RNGTT: variants seen among roughly 807,000 people sequenced by gnomAD.
RNGTT encodes mRNA-capping enzyme.
RNGTT carries 33 observed loss-of-function variants against 79.3 expected under a neutral mutation model. That is an observed-to-expected ratio of 0.42 (90% CI 0.32 to 0.56). RNGTT has a LOEUF of 0.56. RNGTT is among the 20% of genes least tolerant of loss of function. RNGTT has a pLI of 0.17. For synonymous variants in RNGTT, 222 were observed against 235.9 expected (o/e 0.94, Z 0.54); for missense variants, 497 against 739.1 (o/e 0.67, Z 3.80).
intron 14 of RNGTT, among the ~76,000 whole-genome samples, chr6:88,637,022 A>G (rs192450125): frequency 5.3e-5 from 8 of 152,220 alleles, no homozygotes; most frequent in Admixed American, 5.2e-4. Flanking sequence ...TTTTTAAGCA[A>G]TGTAACCTGA....
At chr6:88,696,373 G>A (rs1373060880) in intron 13 of RNGTT, among the ~76,000 whole-genome samples, 1 of 152,040 alleles carries the variant, frequency 6.6e-6, no homozygotes, top group Non-Finnish European at 1.5e-5. Flanking sequence ...GTAAATAGTT[G>A]AAAAGTGAAT....
At chr6:88,924,172 C>A (rs16881113) in intron 4 of RNGTT, among the ~76,000 whole-genome samples, 15,887 of 152,268 alleles carry the variant, frequency 0.1, 981 homozygotes, top group African/African-American at 0.16. Flanking sequence ...CAACCCAGAA[C>A]TGAACTGACA....
At chr6:88,699,578 T>C (rs930759521) in intron 13 of RNGTT, among the ~76,000 whole-genome samples, 1 of 152,038 alleles carries the variant, frequency 6.6e-6, no homozygotes, top group Admixed American at 6.6e-5. Context: ...AGTAAAAGGA[T>C]CACTTGAGCC....
chr6:88,709,060 A>G (rs1196741785), intron 13 of RNGTT, among the ~76,000 whole-genome samples: 1 of 152,210 alleles, frequency 6.6e-6, no homozygotes, highest in Non-Finnish European at 1.5e-5. Flanking sequence ...CTGTAATCCC[A>G]GCACTTTGGG....
intron 14 of RNGTT, among the ~76,000 whole-genome samples, chr6:88,630,678 T>C (rs1339482202): frequency 6.6e-6 from 1 of 151,626 alleles, no homozygotes; most frequent in Non-Finnish European, 1.5e-5. Context: ...GTTCAGCAAG[T>C]CGGTGGGGAG....
intron 4 of RNGTT, among the ~76,000 whole-genome samples, chr6:88,922,117 G>A (rs904448139): frequency 1.2e-4 from 18 of 151,806 alleles, no homozygotes; most frequent in Non-Finnish European, 7.4e-5. Flanking sequence ...TGTTGTCCAG[G>A]CTGGACTTCA....
At chr6:88,760,926 T>C (rs1012756604) in intron 13 of RNGTT, among the ~76,000 whole-genome samples, 4 of 150,560 alleles carry the variant, frequency 2.7e-5, no homozygotes, top group African/African-American at 4.9e-5. Context: ...ACAGGCTGGA[T>C]TCAAACTCCT....
At chr6:88,791,722 G>A (rs1294848343) in intron 12 of RNGTT, among the ~76,000 whole-genome samples, 1 of 151,838 alleles carries the variant, frequency 6.6e-6, no homozygotes, top group East Asian at 2.0e-4. Flanking sequence ...TGTATTTTTA[G>A]TAGAGACAGG....
intron 14 of RNGTT, among the ~76,000 whole-genome samples, chr6:88,661,431 C>T (rs991163347): frequency 7.2e-5 from 11 of 151,794 alleles, no homozygotes; most frequent in African/African-American, 2.4e-4. Flanking sequence ...GTGAGATTAA[C>T]CAAAAAAGAA....
rs960530411 is a variant in RNGTT at position 88,612,173 on chromosome 6, T to C, written c.*546A>G. 2 of 152,698 alleles carry C rather than the reference T, an allele frequency of 1.3e-5. No homozygotes were observed. Among genetic ancestry groups the C allele is most frequent in the Non-Finnish European group, 2.9e-5 (2 of 68,058 alleles). The allele number at this position is 152,698 out of a possible 1,614,324, so 9.5% of individuals were successfully genotyped here. A position where few individuals can be genotyped will look rare whatever the true frequency, so the allele number is the denominator to read the frequency against. On this transcript the variant is annotated 3_prime_UTR_variant, in exon 16 of 16. Transcript: ENST00000369485. ...TTAAAATGATATAAACCAGACCAAG[T>C]TGTTTAATATAGTACAACTTAACAA...
intron 13 of RNGTT, among the ~76,000 whole-genome samples, chr6:88,725,140 G>A (rs1029499006): frequency 6.6e-6 from 1 of 152,208 alleles, no homozygotes; most frequent in African/African-American, 2.4e-5. Context: ...GCTGGCCGGG[G>A]ATTACATTCC....
chr6:88,657,618 C>T lies in RNGTT; in HGVS notation c.1506+20735G>A, dbSNP rs193102414. Among the ~76,000 whole-genome samples the T allele has an allele frequency of 1.9e-3, 288 of 152,176 alleles. 4 individuals carry two copies. The highest frequency in any genetic ancestry group is 6.8e-3 in the African/African-American group (282 of 41,534). Reference sequence around the variant, plus strand: ...TGCAGGCAGGTGGGAAGGGGTGAGGCCTGAGAGCCCTGCTTGCTTTCTCAG... The same window carrying T: ...TGCAGGCAGGTGGGAAGGGGTGAGGTCTGAGAGCCCTGCTTGCTTTCTCAG... On this transcript the variant is annotated intron_variant, in intron 14 of 15. Transcript: ENST00000369485.
rs867663466 is a variant in RNGTT at position 88,963,226 on chromosome 6, A to G, written c.64+120T>C. On this transcript the variant is annotated intron_variant, in intron 1 of 15. Coordinates refer to ENST00000369485, the MANE Select transcript of RNGTT (RefSeq NM_003800.5). ...TCCACGAAGCGTAATCCGACGGAGC[A>G]TATCCCGCTCCTGAAATACCACTAA... The G allele has an allele frequency of 1.4e-5, 14 of 989,908 alleles. No individual in the cohort carries two copies. In the African/African-American group the frequency reaches 2.0e-4, roughly 14 times the overall value. The allele number at this position is 989,908 out of a possible 1,614,324, so 61.3% of individuals were successfully genotyped here.
Position 88,686,821 on chromosome 6 carries a change from C to T in RNGTT, c.1440-8402G>A, listed in dbSNP as rs563472646. Among the ~76,000 whole-genome samples, 3 of 152,108 alleles carry T rather than the reference C, an allele frequency of 2.0e-5. No individual in the cohort carries two copies. In the East Asian group the frequency reaches 5.8e-4, roughly 29 times the overall value. On this transcript the variant is annotated intron_variant, in intron 13 of 15. Coordinates refer to ENST00000369485, the MANE Select transcript of RNGTT (RefSeq NM_003800.5). ...GATAGACTAAGATCCAAACTTCGCA[C>T]AAGTCACAAGAATAAACTCCAAATG...
intron 11 of RNGTT, among the ~76,000 whole-genome samples, chr6:88,830,581 C>A (rs1025723599): frequency 6.7e-6 from 1 of 150,238 alleles, no homozygotes. Flanking sequence ...AAGACCAGAG[C>A]AGAACTGAAG....
intron 11 of RNGTT, among the ~76,000 whole-genome samples, chr6:88,821,906 T>C (rs1780508534): frequency 6.7e-6 from 1 of 149,174 alleles, no homozygotes; most frequent in East Asian, 1.9e-4. Context: ...AGCAAATTCC[T>C]AGAAATCATA....
chr6:88,865,580 G>A (rs1030052414), intron 8 of RNGTT, among the ~76,000 whole-genome samples: 2 of 152,048 alleles, frequency 1.3e-5, no homozygotes, highest in African/African-American at 4.8e-5. Flanking sequence ...TAGTAAAATA[G>A]TTCCTTAATT....
At position 88,666,573 on chromosome 6, in the gene RNGTT, A is replaced by AACT. The variant is rs1446420943; in HGVS notation, c.1506+11779_1506+11780insAGT. Among the ~76,000 whole-genome samples, 3 of 152,336 alleles carry AACT rather than the reference A, an allele frequency of 2.0e-5. No homozygotes were observed. The East Asian group carries it at 5.8e-4, about 29-fold the overall frequency. ...CATATAACCACTGAAGTTTGTAACA[A>AACT]TGAACCCCGCCACTGCTTCTGGTAT... is the stretch of plus-strand genomic sequence containing the variant. On this transcript the variant is annotated intron_variant, in intron 14 of 15. Transcript: ENST00000369485.
At chr6:88,818,968 T>C (rs565305662) in intron 11 of RNGTT, among the ~76,000 whole-genome samples, 1 of 152,342 alleles carries the variant, frequency 6.6e-6, no homozygotes, top group Non-Finnish European at 1.5e-5. Flanking sequence ...GGTAAAATTA[T>C]ATCCACATCA....
Sources: allele counts gnomAD v4.1 joint callset (sites outside exome capture counted in the v4.1 genomes callset), GRCh38; gene constraint gnomAD v4.1.1; transcripts MANE v1.5; gene names NCBI Gene and HGNC (gene_info 2026-07-23, HGNC 2026-07-21).